Variants in KCNA3 observed in about 807,000 individuals in gnomAD.
KCNA3 encodes potassium voltage-gated channel subfamily A member 3.
In KCNA3, 18 loss-of-function variants were observed where a neutral mutation model predicts 34.3. The observed-to-expected ratio is 0.52, with a 90% CI of 0.36 to 0.78. The LOEUF (loss-of-function observed/expected upper bound fraction) is 0.78. Among genes scored for constraint, KCNA3 ranks in the 30% least tolerant of loss-of-function variants. KCNA3 has a pLI of 0.00. For synonymous variants in KCNA3, 324 were observed against 351.7 expected (o/e 0.92, Z 0.88); for missense variants, 587 against 802.5 (o/e 0.73, Z 3.24).
In KCNA3 at chr1:110,674,138, G is replaced by C; in HGVS notation, c.672C>G (p.Phe224Leu). 1 of 1,612,786 alleles carries C rather than the reference G, an allele frequency of 6.2e-7. No individual in the cohort carries two copies. The highest frequency in any genetic ancestry group is 2.2e-5 in the East Asian group (1 of 44,832). ...CCGGCCCGGAGCTCTCGGGGTACTC[G>C]AAGAGCAGCCACACCTGGCGCTGGA... ...RDFQRQVWLL[F>L]EYPESSGPAR... is the part of the protein sequence containing the mutation. Residue 224 changes from phenylalanine to leucine, a missense_variant, in exon 1 of 1, where the codon TTC (phenylalanine) becomes TTG (leucine). Around this residue, in one of 7 missense-constraint regions of KCNA3, gnomAD observed 341 missense variants for 355.4 expected, o/e 0.96. Coordinates refer to ENST00000369769, the MANE Select transcript of KCNA3 (RefSeq NM_002232.5). The surrounding 1 kb of genome is among the most constrained non-coding windows in gnomAD (Gnocchi z 6.4).
At chr1:110,664,632 A>G in the KCNA3 span, among the ~76,000 whole-genome samples, 1 of 152,202 alleles carries the variant, frequency 6.6e-6, no homozygotes, top group East Asian at 1.9e-4. Context: ...CTTCCAATAG[A>G]TATTTATTGG....
chr1:110,658,604 C>CT, the KCNA3 span, among the ~76,000 whole-genome samples: 13 of 151,804 alleles, frequency 8.6e-5, no homozygotes, highest in Non-Finnish European at 1.3e-4. Context: ...CCAACTAAAA[C>CT]TTTTTTTTAA....
chr1:110,672,942 G>T lies in KCNA3; in HGVS notation c.*140C>A. On this transcript the variant is annotated 3_prime_UTR_variant, in exon 1 of 1. Coordinates refer to ENST00000369769, the MANE Select transcript of KCNA3 (RefSeq NM_002232.5). ...GTTTCAGTATGAAGCAGCAGGGAGA[G>T]GGAGAATGAAGTGTGCTTTCCACTT... 1.2e-6 allele frequency: 1 copy of T among 837,224 alleles called. No individual in the cohort carries two copies. The highest frequency in any genetic ancestry group is 2.5e-5 in the East Asian group (1 of 39,694). 51.9% of individuals were successfully genotyped at this position (837,224 alleles called of 1,614,324 possible).
At chr1:110,661,055 T>C in the KCNA3 span, among the ~76,000 whole-genome samples, 4 of 152,098 alleles carry the variant, frequency 2.6e-5, no homozygotes, top group African/African-American at 9.7e-5. Context: ...AAGACAAAAA[T>C]AAACCCAGCT....
the KCNA3 span, among the ~76,000 whole-genome samples, chr1:110,658,677 C>A: frequency 2.0e-5 from 3 of 151,920 alleles, no homozygotes; most frequent in African/African-American, 7.3e-5. Context: ...GAAACTTTTA[C>A]ATATATAATT....
chr1:110,664,966 G>A, the KCNA3 span, among the ~76,000 whole-genome samples: 2 of 152,154 alleles, frequency 1.3e-5, no homozygotes, highest in Non-Finnish European at 2.9e-5. Flanking sequence ...GGTGGAGCAT[G>A]CCTGGTGTAT....
chr1:110,674,925 T>C lies in KCNA3; in HGVS notation c.-116A>G, dbSNP rs1652038140. On this transcript the variant is annotated 5_prime_UTR_variant, in exon 1 of 1. Coordinates refer to ENST00000369769, the MANE Select transcript of KCNA3 (RefSeq NM_002232.5). This position sits in a 1 kb window ranked among gnomAD's most constrained non-coding sequence, Gnocchi z 6.4. Reference sequence around the variant, plus strand: ...CCGCCTGTTGCAGCCAAAGCCGCGATGCTCTGTCTGGGTCTGGCGCGGTCA... The same window carrying C: ...CCGCCTGTTGCAGCCAAAGCCGCGACGCTCTGTCTGGGTCTGGCGCGGTCA... 6 of 1,234,752 alleles carry C rather than the reference T, an allele frequency of 4.9e-6. No homozygotes were observed. The South Asian group carries it at 1.2e-4, about 25-fold the overall frequency. 76.5% of individuals were successfully genotyped at this position (1,234,752 alleles called of 1,614,324 possible). A position where few individuals can be genotyped will look rare whatever the true frequency, so the allele number is the denominator to read the frequency against.
downstream of KCNA3, among the ~76,000 whole-genome samples, chr1:110,670,614 A>G (rs1456268806): frequency 6.6e-6 from 1 of 152,172 alleles, no homozygotes; most frequent in Non-Finnish European, 1.5e-5. Flanking sequence ...TCTGGTCATT[A>G]AGGGTACCAA....
At chr1:110,666,317 T>C in the KCNA3 span, among the ~76,000 whole-genome samples, 12 of 152,096 alleles carry the variant, frequency 7.9e-5, no homozygotes, top group Non-Finnish European at 1.8e-4. Context: ...TGGAGGAGTA[T>C]TGAAGTAAAA....
At chr1:110,654,622 T>TGTTTAGGTGGAA in the KCNA3 span, 6 of 152,176 alleles carry the variant, frequency 3.9e-5, no homozygotes, top group Non-Finnish European at 5.9e-5. Context: ...TGTTTGAATA[T>TGTTTAGGTGGAA]CACCCTGTGG....
the KCNA3 span, among the ~76,000 whole-genome samples, chr1:110,662,447 A>C: frequency 6.6e-6 from 1 of 152,184 alleles, no homozygotes; most frequent in Non-Finnish European, 1.5e-5. Context: ...AAAAGAGTTG[A>C]AGTCATTCTA....
chr1:110,660,010 C>T, the KCNA3 span, among the ~76,000 whole-genome samples: 2 of 151,982 alleles, frequency 1.3e-5, no homozygotes, highest in Admixed American at 1.3e-4. Flanking sequence ...GTGCAGCAAA[C>T]CAACATGACA....
chr1:110,668,167 T>C (rs1162530312), downstream of KCNA3, among the ~76,000 whole-genome samples: 1 of 152,058 alleles, frequency 6.6e-6, no homozygotes, highest in Non-Finnish European at 1.5e-5. Context: ...AAGAAAAAGC[T>C]CCCACTGTAA....
rs759452672 is a variant in KCNA3 at position 110,674,504 on chromosome 1, G to A, written c.306C>T (p.Cys102=). 2.5e-6 allele frequency: 4 copies of A among 1,613,324 alleles called. No homozygotes were observed. The highest frequency in any genetic ancestry group is 1.7e-5 in the Admixed American group (1 of 60,000). The change falls in exon 1 of 1, where the codon TGC becomes TGT. Residue 102 remains cysteine, a synonymous_variant. Transcript: ENST00000369769. This position sits in a 1 kb window ranked among gnomAD's most constrained non-coding sequence, Gnocchi z 6.4. ...AGATGTTGATGACCACGCGCTCCCC[G>A]CAGCAGTCCTGCTCGCCCGCGGCCG... ...SLPAAGEQDC[C]GERVVINISG... is the part of the protein sequence containing the mutation.
At chr1:110,662,206 C>T in the KCNA3 span, among the ~76,000 whole-genome samples, 1 of 150,090 alleles carries the variant, frequency 6.7e-6, no homozygotes, top group Non-Finnish European at 1.5e-5. Context: ...AAAATCGATT[C>T]TATAAAATGA....
the KCNA3 span, among the ~76,000 whole-genome samples, chr1:110,660,352 G>T: frequency 6.6e-6 from 1 of 152,100 alleles, no homozygotes; most frequent in Admixed American, 6.5e-5. Flanking sequence ...TCATCGAAAG[G>T]TTCTGAGTGC....
the KCNA3 span, among the ~76,000 whole-genome samples, chr1:110,665,608 G>C: frequency 6.6e-5 from 10 of 152,318 alleles, no homozygotes; most frequent in African/African-American, 2.4e-4. Context: ...ATTCAGTCAG[G>C]AGCTCAGGGG....
At chr1:110,660,061 T>G in the KCNA3 span, among the ~76,000 whole-genome samples, 2 of 152,172 alleles carry the variant, frequency 1.3e-5, no homozygotes, top group African/African-American at 2.4e-5. Flanking sequence ...TGTGCACATG[T>G]AACCTAGAAG....
the KCNA3 span, among the ~76,000 whole-genome samples, chr1:110,666,512 G>A: frequency 1.3e-5 from 2 of 152,174 alleles, no homozygotes; most frequent in Admixed American, 6.6e-5. Flanking sequence ...ATGAGATCAT[G>A]TGGGGCCATA....
Sources: gnomAD v4.1 joint callset for allele counts (sites outside exome capture counted in the v4.1 genomes callset) on GRCh38, gnomAD v4.1.1 for gene constraint, gnomAD v4.1.1 regional missense constraint, Gnocchi (gnomAD v3.1) non-coding constraint, MANE v1.5 for transcripts, NCBI Gene and HGNC (gene_info 2026-07-23, HGNC 2026-07-21) for gene names.